Variants in TRAPPC9 observed in about 807,000 individuals in gnomAD.
TRAPPC9 encodes IKK2 binding protein.
TRAPPC9 carries 83 observed loss-of-function variants against 124.0 expected under a neutral mutation model. That is an observed-to-expected ratio of 0.67 (90% CI 0.56 to 0.80). The LOEUF is 0.80. Ranked by LOEUF, TRAPPC9 falls within the 30% of genes least tolerant of loss-of-function variation. The pLI, the probability that TRAPPC9 is intolerant of heterozygous loss-of-function variation, is 0.00. For synonymous variants in TRAPPC9, 638 were observed against 617.5 expected, an observed-to-expected ratio of 1.03 and a Z score of -0.49; for missense variants, 1,302 against 1,508.3, an observed-to-expected ratio of 0.86 and a Z score of 2.27.
intron 17 of TRAPPC9, among the ~76,000 whole-genome samples, chr8:140,195,586 A>G (rs1434166187): frequency 6.6e-6 from 1 of 151,734 alleles, no homozygotes. Context: ...TGTACAGATC[A>G]CACCTGTGAC....
chr8:139,968,778 T>C (rs1454729027), intron 19 of TRAPPC9, among the ~76,000 whole-genome samples: 3 of 152,198 alleles, frequency 2.0e-5, no homozygotes, highest in Non-Finnish European at 4.4e-5. Flanking sequence ...AGGGAGGTAC[T>C]GACATCATCC....
chr8:140,396,446 C>T (rs1186043035), intron 7 of TRAPPC9, among the ~76,000 whole-genome samples: 1 of 152,006 alleles, frequency 6.6e-6, no homozygotes, highest in African/African-American at 2.4e-5. Flanking sequence ...TGGCCAAGAC[C>T]TTGCTTTTAA....
intron 21 of TRAPPC9, among the ~76,000 whole-genome samples, chr8:139,823,827 C>T (rs1315906761): frequency 1.3e-5 from 2 of 152,184 alleles, no homozygotes; most frequent in African/African-American, 4.8e-5. Flanking sequence ...GATAATAAAA[C>T]GTGAACAGCT....
intron 14 of TRAPPC9, among the ~76,000 whole-genome samples, chr8:140,276,544 G>A (rs543838162): frequency 6.6e-6 from 1 of 152,282 alleles, no homozygotes; most frequent in Non-Finnish European, 1.5e-5. Flanking sequence ...CTCAGCCTGT[G>A]AGCCCTCACC....
chr8:139,879,558 GC>G (rs1454042714), intron 21 of TRAPPC9, among the ~76,000 whole-genome samples: 1 of 152,054 alleles, frequency 6.6e-6, no homozygotes, highest in Non-Finnish European at 1.5e-5. Flanking sequence ...CACCATCCCA[GC>G]CCCTTCCCTT....
chr8:140,305,635 A>G (rs1588127661), intron 10 of TRAPPC9, among the ~76,000 whole-genome samples: 1 of 152,270 alleles, frequency 6.6e-6, no homozygotes, highest in South Asian at 2.1e-4. Flanking sequence ...ATAGCTACAT[A>G]TATGCATTTC....
intron 8 of TRAPPC9, among the ~76,000 whole-genome samples, chr8:140,361,474 G>A (rs1210273871): frequency 3.3e-5 from 5 of 152,180 alleles, no homozygotes; most frequent in Non-Finnish European, 5.9e-5. Context: ...GACAGTAGTC[G>A]GAGTACAAGT....
chr8:140,376,216 C>A (rs1295290476), intron 7 of TRAPPC9, among the ~76,000 whole-genome samples: 1 of 152,066 alleles, frequency 6.6e-6, no homozygotes, highest in East Asian at 1.9e-4. Flanking sequence ...AAGACCTGGT[C>A]CCTCAAAACT....
In TRAPPC9 at chr8:140,101,021, C is replaced by T. The variant is rs188495766; in HGVS notation, c.2557-76942G>A. ...CAAAAAGTTGAAATTAAGAAATTTT[C>T]ACCTTTTCATGTTTTTGTACATAGA... On this transcript the variant is annotated intron_variant, in intron 17 of 22. Transcript: ENST00000438773. Among the ~76,000 whole-genome samples, 17 of 152,348 alleles carry T rather than the reference C, an allele frequency of 1.1e-4. No homozygotes were observed. The East Asian group carries it at 3.1e-3, about 28-fold the overall frequency.
chr8:140,457,711 C>T lies in TRAPPC9; in HGVS notation c.-83G>A, dbSNP rs1025859757. Reference sequence around the variant, plus strand: ...CAGCGGGGCCGAGCAGCCTCTGCGGCCACTTCCCAGGCTCTGGGCTGGCGC... The same window carrying T: ...CAGCGGGGCCGAGCAGCCTCTGCGGTCACTTCCCAGGCTCTGGGCTGGCGC... On this transcript the variant is annotated 5_prime_UTR_variant, in exon 1 of 23. Coordinates refer to ENST00000438773, the MANE Select transcript of TRAPPC9 (RefSeq NM_001160372.4). 5.4e-4 allele frequency: 529 copies of T among 988,366 alleles called. 1 individual carries two copies. The highest frequency in any genetic ancestry group is 6.2e-4 in the Non-Finnish European group (513 of 831,842). 61.2% of individuals were successfully genotyped at this position (988,366 alleles called of 1,614,324 possible).
intron 21 of TRAPPC9, among the ~76,000 whole-genome samples, chr8:139,824,426 G>GC (rs1459871697): frequency 6.6e-6 from 1 of 152,224 alleles, no homozygotes; most frequent in Non-Finnish European, 1.5e-5. Flanking sequence ...CACAGGAGAG[G>GC]CAGTGGAGCA....
chr8:139,762,231 A>G (rs1820286329), intron 21 of TRAPPC9, among the ~76,000 whole-genome samples: 1 of 152,048 alleles, frequency 6.6e-6, no homozygotes, highest in Non-Finnish European at 1.5e-5. Context: ...GGCCCACTGC[A>G]AAAGTGTCCT....
chr8:140,002,262 C>T (rs557279258), intron 18 of TRAPPC9, among the ~76,000 whole-genome samples: 1 of 150,992 alleles, frequency 6.6e-6, no homozygotes, highest in African/African-American at 2.4e-5. Flanking sequence ...TAGAAAAAAA[C>T]CCCTTAATCT....
intron 19 of TRAPPC9, among the ~76,000 whole-genome samples, chr8:139,921,859 C>G (rs2131339505): frequency 6.6e-6 from 1 of 151,736 alleles, no homozygotes; most frequent in African/African-American, 2.4e-5. Flanking sequence ...CCCCTCCTCC[C>G]CGCCGCGTCT....
chr8:140,342,636 C>A (rs2067226487), intron 9 of TRAPPC9, among the ~76,000 whole-genome samples: 1 of 152,096 alleles, frequency 6.6e-6, no homozygotes, highest in Non-Finnish European at 1.5e-5. Flanking sequence ...CACAGCAATG[C>A]AGATGCATAC....
chr8:140,083,543 G>A (rs1037747803), intron 17 of TRAPPC9, among the ~76,000 whole-genome samples: 22 of 152,050 alleles, frequency 1.4e-4, no homozygotes, highest in Admixed American at 3.9e-4. Context: ...CAGCACCACC[G>A]TTCACAAGCT....
intron 17 of TRAPPC9, among the ~76,000 whole-genome samples, chr8:140,045,789 G>A (rs1456477468): frequency 1.3e-5 from 2 of 152,062 alleles, no homozygotes; most frequent in East Asian, 1.9e-4. Context: ...TCAGCCTCGA[G>A]GTGGCAGAGT....
chr8:140,300,233 G>T (rs2065928438), intron 11 of TRAPPC9, among the ~76,000 whole-genome samples: 3 of 149,560 alleles, frequency 2.0e-5, no homozygotes, highest in Non-Finnish European at 4.4e-5. Flanking sequence ...ACACACATAT[G>T]CATGCACGCA....
At chr8:140,368,901 A>C (rs550174724) in intron 8 of TRAPPC9, among the ~76,000 whole-genome samples, 2 of 152,252 alleles carry the variant, frequency 1.3e-5, no homozygotes, top group African/African-American at 4.8e-5. Flanking sequence ...AAAATAAATA[A>C]ATGATTTCAA....
Sources: gnomAD v4.1 joint callset for allele counts (sites outside exome capture counted in the v4.1 genomes callset) on GRCh38, gnomAD v4.1.1 for gene constraint, MANE v1.5 for transcripts, NCBI Gene and HGNC (gene_info 2026-07-23, HGNC 2026-07-21) for gene names.